Variants in LRRK2 observed in about 807,000 individuals in gnomAD.
LRRK2 encodes leucine rich repeat kinase 2.
In LRRK2, 203 loss-of-function variants were observed where a neutral mutation model predicts 302.6. The ratio of observed to expected loss-of-function variants is 0.67; its 90% confidence interval spans 0.60 to 0.75. The LOEUF (loss-of-function observed/expected upper bound fraction) is 0.75, where lower values mean the gene tolerates loss of function less well. LRRK2 is among the 30% of genes least tolerant of loss of function. The probability of loss-of-function intolerance (pLI) is 0.00; values close to 1 mark genes in which losing one functional copy is unlikely to be tolerated. For synonymous variants in LRRK2, 1,066 were observed against 1,031.9 expected, an observed-to-expected ratio of 1.03 and a Z score of -0.63; for missense variants, 2,830 against 2,951.0, an observed-to-expected ratio of 0.96 and a Z score of 0.95.
At chr12:40,271,298 A>G (rs1943224297) in intron 14 of LRRK2, among the ~76,000 whole-genome samples, 1 of 152,182 alleles carries the variant, frequency 6.6e-6, no homozygotes. Context: ...AAAAAGAATA[A>G]AGGGAGAAAA....
At chr12:40,304,421 A>G (rs1944739722) in intron 27 of LRRK2, 2 of 498,114 alleles carry the variant, frequency 4.0e-6, no homozygotes, top group Middle Eastern at 5.3e-4. Flanking sequence ...TAAACAATAA[A>G]ACAATATGCT....
intron 41 of LRRK2, among the ~76,000 whole-genome samples, chr12:40,345,545 C>T (rs879817315): frequency 6.8e-6 from 1 of 147,084 alleles, no homozygotes; most frequent in Non-Finnish European, 1.5e-5. Flanking sequence ...ATCGCTTGAA[C>T]CCAGGAGGCA....
At chr12:40,325,220 G>T (rs1043984480) in intron 38 of LRRK2, among the ~76,000 whole-genome samples, 2 of 152,164 alleles carry the variant, frequency 1.3e-5, no homozygotes, top group African/African-American at 4.8e-5. Context: ...CTGGGAGGCG[G>T]AGGTTGCAGT....
chr12:40,361,614 G>A (rs2896978), intron 47 of LRRK2, among the ~76,000 whole-genome samples: 116,775 of 151,996 alleles, frequency 0.77, 45,711 homozygotes, highest in Non-Finnish European at 0.86. Context: ...ATGGATATCA[G>A]TTAACTCTTT....
At position 40,364,885 on chromosome 12, in the gene LRRK2, T is replaced by C. The variant is rs1481581956; in HGVS notation, c.7225T>C (p.Ser2409Pro). Residue 2409 changes from serine to proline, a missense_variant, in exon 49 of 51, where the codon TCT becomes CCT. Coordinates refer to ENST00000298910, the MANE Select transcript of LRRK2 (RefSeq NM_198578.4). The stretch of plus-strand genomic sequence containing the variant: ...AAACAAGGAATCAAAACACAAAATG[T>C]CTTATTCTGGGAGAGTGAAAACCCT... ...KENKESKHKM[S>P]YSGRVKTLCL... 1 of 1,612,258 alleles carries C rather than the reference T, an allele frequency of 6.2e-7. No homozygotes were observed. Among genetic ancestry groups the C allele is most frequent in the Non-Finnish European group, 8.5e-7 (1 of 1,178,958 alleles).
In LRRK2 at chr12:40,367,816, A is replaced by G. The variant is rs1414524971; in HGVS notation, c.*51A>G. 6.4e-7 allele frequency: 1 copy of G among 1,550,760 alleles called. No homozygotes were observed. The highest frequency in any genetic ancestry group is 8.8e-7 in the Non-Finnish European group (1 of 1,141,202). On this transcript the variant is annotated 3_prime_UTR_variant, in exon 51 of 51. Coordinates refer to ENST00000298910, the MANE Select transcript of LRRK2 (RefSeq NM_198578.4). ...TAGGAAAATTATTCTCTCCTCTTGTAAATATTTATTTTAAAAATGTTCACA... is the reference window on the plus strand; with the variant it reads ...TAGGAAAATTATTCTCTCCTCTTGTGAATATTTATTTTAAAAATGTTCACA...
intron 13 of LRRK2, among the ~76,000 whole-genome samples, chr12:40,262,888 GGTGAAT>G (rs1285148178): frequency 6.6e-6 from 1 of 152,160 alleles, no homozygotes; most frequent in Non-Finnish European, 1.5e-5. Context: ...CACGGCAAGA[GGTGAAT>G]GTCAGAACCT....
chr12:40,244,067 T>A (rs755737083), intron 7 of LRRK2, among the ~76,000 whole-genome samples: 1 of 152,066 alleles, frequency 6.6e-6, no homozygotes, highest in Non-Finnish European at 1.5e-5. Flanking sequence ...ATAATGCAAA[T>A]AACTCACTAT....
intron 44 of LRRK2, among the ~76,000 whole-genome samples, chr12:40,352,728 T>A (rs1946393642): frequency 6.6e-6 from 1 of 150,996 alleles, no homozygotes; most frequent in South Asian, 2.1e-4. Context: ...CCTTAATCCA[T>A]TTAACCCTGA....
chr12:40,251,699 A>G (rs1188924923), intron 10 of LRRK2, among the ~76,000 whole-genome samples, 155 bp downstream of exon 10: 1 of 152,222 alleles, frequency 6.6e-6, no homozygotes, highest in African/African-American at 2.4e-5. Context: ...GGTATGTAGT[A>G]TTTTGATCTC....
rs200316890 is a variant in LRRK2 at position 40,302,904 on chromosome 12, T to G, written c.3590+22T>G. On this transcript the variant is annotated intron_variant, in intron 26 of 50. Transcript: ENST00000298910. Reference sequence around the variant, plus strand: ...CACAGTAAGTTTATTGTTATTTTAATTTTAAAAGCACATTAGCTGGAACAG... The same window carrying G: ...CACAGTAAGTTTATTGTTATTTTAAGTTTAAAAGCACATTAGCTGGAACAG... 1.0e-3 allele frequency: 1,474 copies of G among 1,445,504 alleles called. 21 individuals carry two copies. The South Asian group carries it at 0.016, about 16-fold the overall frequency. 89.5% of individuals were successfully genotyped at this position (1,445,504 alleles called of 1,614,324 possible).
chr12:40,315,261 C>T lies in LRRK2; in HGVS notation c.4788C>T (p.Tyr1596=). The T allele has an allele frequency of 6.2e-7, 1 of 1,612,692 alleles. No individual in the cohort carries two copies. The highest frequency in any genetic ancestry group is 2.2e-5 in the East Asian group (1 of 44,854). The change falls in exon 33 of 51, where the codon TAC becomes TAT. Residue 1596 remains tyrosine (Y), a synonymous_variant. Coordinates refer to ENST00000298910, the MANE Select transcript of LRRK2 (RefSeq NM_198578.4). The stretch of plus-strand genomic sequence containing the variant: ...CAGCACTGCAGTTAAGTGACTTGTA[C>T]TTTGTGGAACCCAAGTGGCTTTGTA... ...QDPALQLSDL[Y]FVEPKWLCKI...
intron 31 of LRRK2, 27 bp from the exon 32 acceptor site, chr12:40,313,945 T>C (rs775298546): frequency 6.3e-7 from 1 of 1,599,668 alleles, no homozygotes; most frequent in Non-Finnish European, 8.5e-7. Flanking sequence ...AATAGATTTT[T>C]ACGGCTTGTC....
chr12:40,233,668 TGTCCCTTG>T (rs1314191765), intron 3 of LRRK2, among the ~76,000 whole-genome samples: 1 of 152,256 alleles, frequency 6.6e-6, no homozygotes, highest in Non-Finnish European at 1.5e-5. Context: ...TAACTTTAAA[TGTCCCTTG>T]GTTTGGGTGA....
At chr12:40,250,178 A>C (rs1942190057) in intron 8 of LRRK2, among the ~76,000 whole-genome samples, 1 of 152,216 alleles carries the variant, frequency 6.6e-6, no homozygotes, top group Admixed American at 6.5e-5. Context: ...GTCATTAAGC[A>C]GCTAATCTGT....
chr12:40,334,853 T>C, intron 39 of LRRK2, 114 bp from the exon 40 acceptor site: 1 of 1,189,766 alleles, frequency 8.4e-7, no homozygotes, highest in Non-Finnish European at 1.2e-6. Flanking sequence ...AAGTTTGCTA[T>C]GATCCAGTCA....
In LRRK2 at chr12:40,300,263, AG is replaced by A; in HGVS notation, c.3496+1007del. Among the ~76,000 whole-genome samples the A allele has an allele frequency of 2.0e-5, 3 of 152,334 alleles. No individual in the cohort carries two copies. In the South Asian group the frequency reaches 6.2e-4, roughly 32 times the overall value. ...AATTATTATCATCACTTTTATTAAA[AG>A]TTGTAGAATCCCCTGCCTTCTCTTA... On this transcript the variant is annotated intron_variant, in intron 25 of 50. Coordinates refer to ENST00000298910, the MANE Select transcript of LRRK2 (RefSeq NM_198578.4).
At position 40,310,500 on chromosome 12, in the gene LRRK2, A is replaced by T; in HGVS notation, c.4387A>T (p.Lys1463Ter). Residue 1463 changes from lysine (K) to a stop codon, truncating the protein, a stop_gained, in exon 31 of 51, where the codon AAA (lysine) becomes TAA (stop). Transcript: ENST00000298910. LOFTEE classifies it high-confidence loss of function. ...HLDVSDEKQRKACMSKITKEL... is the reference protein window; with the variant it reads ...HLDVSDEKQR ...GGATGTTTCTGATGAGAAGCAACGC[A>T]AAGCCTGCATGAGTAAAATCACCAA... The T allele has an allele frequency of 6.2e-7, 1 of 1,613,052 alleles. No homozygotes were observed. The highest frequency in any genetic ancestry group is 1.6e-4 in the Middle Eastern group (1 of 6,062).
At chr12:40,238,937 G>A (rs1223883073) in intron 5 of LRRK2, among the ~76,000 whole-genome samples, 1 of 152,106 alleles carries the variant, frequency 6.6e-6, no homozygotes, top group African/African-American at 2.4e-5. Context: ...GAGAAAATAG[G>A]TGAAGGGACA....
Sources: gnomAD v4.1 joint callset for allele counts (sites outside exome capture counted in the v4.1 genomes callset) on GRCh38, gnomAD v4.1.1 for gene constraint, MANE v1.5 for transcripts, NCBI Gene and HGNC (gene_info 2026-07-23, HGNC 2026-07-21) for gene names.